FRAS1: variants seen among roughly 807,000 people sequenced by gnomAD.
FRAS1 encodes extracellular matrix organizing protein FRAS1.
In FRAS1, 290 loss-of-function variants were observed where a neutral mutation model predicts 435.2. The ratio of observed to expected loss-of-function variants is 0.67; its 90% CI spans 0.61 to 0.73. The LOEUF (loss-of-function observed/expected upper bound fraction) is 0.73. FRAS1 is among the 30% of genes least tolerant of loss of function. FRAS1 has a pLI of 0.00. For missense variants in FRAS1, 4,860 were observed against 5,001.5 expected (o/e 0.97, Z 0.85); for synonymous variants, 1,800 against 1,851.0 (o/e 0.97, Z 0.71).
In FRAS1 at chr4:78,318,848, C is replaced by A. The variant is rs1729381228; in HGVS notation, c.1999C>A (p.Pro667Thr). 6.2e-7 allele frequency: 1 copy of A among 1,612,970 alleles called. No homozygotes were observed. ...SSCLACMGPA[P>T]SHCTGCKKPE... is the part of the protein sequence containing the mutation. ...CTGCCTGGCTTGTATGGGTCCCGCA[C>A]CCTCTCACTGTACTGGGTGTAAGAA... is the stretch of plus-strand genomic sequence containing the variant. The change falls in exon 18 of 74, where the codon CCC becomes ACC. Residue 667 changes from proline (P) to threonine (T), a missense_variant. Physicochemically the swap from Pro to Thr is conservative, Grantham distance 38. Coordinates refer to ENST00000512123, the MANE Select transcript of FRAS1 (RefSeq NM_025074.7).
chr4:78,321,459 A>G lies in FRAS1; in HGVS notation c.2137+2473A>G, dbSNP rs182547224. 5.3e-5 allele frequency among the ~76,000 whole-genome samples: 8 copies of G among 152,338 alleles called. No individual in the cohort carries two copies. The East Asian group carries it at 1.5e-3, about 29-fold the overall frequency. ...TACAGGAGAGAAGCACAGCATACTA[A>G]TGCTTCAGGGTTAGAGCATCTTAAA... On this transcript the variant is annotated intron_variant, in intron 18 of 73. Transcript: ENST00000512123.
chr4:78,357,751 G>T (rs77835460), intron 20 of FRAS1, among the ~76,000 whole-genome samples: 3,693 of 152,072 alleles, frequency 0.024, 176 homozygotes, highest in African/African-American at 0.084. Flanking sequence ...AAAAATAAAA[G>T]AATTAGGCGG....
chr4:78,378,735 G>GT (rs34031640), intron 26 of FRAS1, among the ~76,000 whole-genome samples: 55,789 of 151,838 alleles, frequency 0.37, 10,557 homozygotes, highest in African/African-American at 0.43. Flanking sequence ...ATTTTCTATT[G>GT]TTGAGTTATA....
intron 70 of FRAS1, among the ~76,000 whole-genome samples, chr4:78,529,106 G>C (rs974071336): frequency 1.3e-5 from 2 of 152,060 alleles, no homozygotes; most frequent in East Asian, 3.9e-4. Context: ...GCTGTTTGGA[G>C]GTGAGGGAGT....
At chr4:78,200,593 C>T (rs1723007924) in intron 2 of FRAS1, among the ~76,000 whole-genome samples, 1 of 152,054 alleles carries the variant, frequency 6.6e-6, no homozygotes, top group Admixed American at 6.5e-5. Context: ...ATTGATGCAA[C>T]ACTGATGTGA....
chr4:78,139,680 C>A (rs1429010153), intron 2 of FRAS1, among the ~76,000 whole-genome samples: 1 of 151,982 alleles, frequency 6.6e-6, no homozygotes, highest in Non-Finnish European at 1.5e-5. Context: ...TTTGCATTAG[C>A]ATAAATAGGA....
intron 2 of FRAS1, among the ~76,000 whole-genome samples, chr4:78,125,890 G>A (rs1217322113): frequency 6.6e-6 from 1 of 152,164 alleles, no homozygotes; most frequent in African/African-American, 2.4e-5. Context: ...ATGCCATGCT[G>A]GGAGAACCAC....
intron 6 of FRAS1, among the ~76,000 whole-genome samples, chr4:78,256,097 T>C (rs1725782626): frequency 6.6e-6 from 1 of 152,204 alleles, no homozygotes; most frequent in African/African-American, 2.4e-5. Context: ...GAAGCCAACA[T>C]TCAGTTGATA....
chr4:78,368,754 C>A (rs1040036423), intron 22 of FRAS1, among the ~76,000 whole-genome samples: 1 of 151,926 alleles, frequency 6.6e-6, no homozygotes, highest in Admixed American at 6.6e-5. Context: ...AACAAAGGTC[C>A]CAGAAGAAGA....
intron 13 of FRAS1, among the ~76,000 whole-genome samples, chr4:78,286,052 G>T (rs1386525418): frequency 1.3e-5 from 2 of 150,718 alleles, no homozygotes; most frequent in African/African-American, 5.0e-5. Context: ...AAGAGGAAAA[G>T]AACATAGACT....
intron 50 of FRAS1, among the ~76,000 whole-genome samples, chr4:78,468,519 C>A (rs1339480438): frequency 6.6e-6 from 1 of 151,664 alleles, no homozygotes; most frequent in East Asian, 1.9e-4. Flanking sequence ...TCATCATCAT[C>A]ATTTTAGAAC....
chr4:78,272,033 TG>T (rs1376770839), intron 9 of FRAS1, among the ~76,000 whole-genome samples: 1 of 152,274 alleles, frequency 6.6e-6, no homozygotes, highest in Non-Finnish European at 1.5e-5. Context: ...GGTATCTCAC[TG>T]TGGTTTTGAT....
chr4:78,182,077 G>C (rs1225025738), intron 2 of FRAS1: 1 of 1,494,136 alleles, frequency 6.7e-7, no homozygotes, highest in East Asian at 2.3e-5. Context: ...TTCCTCTACG[G>C]ATTGCAGCGG....
chr4:78,125,896 A>G (rs965916385), intron 2 of FRAS1, among the ~76,000 whole-genome samples: 15 of 152,118 alleles, frequency 9.9e-5, no homozygotes, highest in African/African-American at 3.6e-4. Context: ...TGCTGGGAGA[A>G]CCACTGCCGT....
chr4:78,315,824 C>T (rs573491708), intron 16 of FRAS1, 90 bp downstream of exon 16: 11 of 1,377,472 alleles, frequency 8.0e-6, no homozygotes, highest in South Asian at 3.7e-5. Flanking sequence ...TTTGGGAACT[C>T]GAGTGTATGA....
At chr4:78,314,034 T>C (rs1729136643) in intron 15 of FRAS1, among the ~76,000 whole-genome samples, 1 of 152,192 alleles carries the variant, frequency 6.6e-6, no homozygotes, top group East Asian at 1.9e-4. Context: ...TCAGTCACCA[T>C]GCTCTTTTTT....
chr4:78,132,487 T>C (rs2109984996), intron 2 of FRAS1, among the ~76,000 whole-genome samples: 1 of 152,334 alleles, frequency 6.6e-6, no homozygotes, highest in African/African-American at 2.4e-5. Context: ...AATGCATGAA[T>C]GACATCTCAA....
chr4:78,359,303 G>C (rs560484962), intron 20 of FRAS1, among the ~76,000 whole-genome samples: 2 of 152,162 alleles, frequency 1.3e-5, no homozygotes, highest in South Asian at 2.1e-4. Flanking sequence ...TTATAAGTCA[G>C]AACATTGGTA....
rs907340022 is a variant in FRAS1, at chr4:78,441,226, A to G, written c.5594A>G (p.Asn1865Ser). 3 of 1,613,338 alleles carry G rather than the reference A, an allele frequency of 1.9e-6. No homozygotes were observed. Among genetic ancestry groups the G allele is most frequent in the African/African-American group, 2.7e-5 (2 of 74,932 alleles). ...HHFFATDDDD[N>S]LQRDAIIKLS... is the part of the protein sequence containing the mutation. ...TTTTTTGCTACTGATGATGATGACA[A>G]CCTCCAGAGAGATGCCATCATTAAA... Residue 1865 changes from asparagine to serine, a missense_variant, in exon 41 of 74, where the codon AAC becomes AGC. Coordinates refer to ENST00000512123, the MANE Select transcript of FRAS1 (RefSeq NM_025074.7).
Sources: gnomAD v4.1 joint callset for allele counts (sites outside exome capture counted in the v4.1 genomes callset) on GRCh38, gnomAD v4.1.1 for gene constraint, MANE v1.5 for transcripts, NCBI Gene and HGNC (gene_info 2026-07-23, HGNC 2026-07-21) for gene names.